ASTN1: variants seen among roughly 807,000 people sequenced by gnomAD.
ASTN1 encodes the protein astrotactin 1, also known as astrotactin-1.
In ASTN1, 41 loss-of-function variants were observed where a neutral mutation model predicts 140.7. The observed-to-expected ratio is 0.29, with a 90% CI of 0.23 to 0.38. The LOEUF is 0.38. ASTN1 is among the 10% of genes least tolerant of loss of function. The pLI is 1.00. For synonymous variants in ASTN1, 640 were observed against 652.2 expected (o/e 0.98, Z 0.29); for missense variants, 1,479 against 1,678.8 (o/e 0.88, Z 2.08).
At chr1:177,000,570 G>A (rs228013) in intron 8 of ASTN1, among the ~76,000 whole-genome samples, 90,640 of 152,028 alleles carry the variant, frequency 0.6, 27,842 homozygotes, top group African/African-American at 0.71. Context: ...GCTCACAGAC[G>A]TCTATCCCAC....
intron 16 of ASTN1, among the ~76,000 whole-genome samples, chr1:176,916,565 T>A (rs1377225241): frequency 6.6e-6 from 1 of 152,016 alleles, no homozygotes; most frequent in Non-Finnish European, 1.5e-5. Context: ...CTGCTATGGC[T>A]CAACACACCC....
intron 8 of ASTN1, among the ~76,000 whole-genome samples, chr1:176,988,358 T>C (rs1288744166): frequency 6.6e-6 from 1 of 151,184 alleles, no homozygotes; most frequent in Non-Finnish European, 1.5e-5. Flanking sequence ...TCCCCAAATG[T>C]TTGAACTTTG....
At chr1:177,054,989 T>A (rs1677728135) in intron 2 of ASTN1, among the ~76,000 whole-genome samples, 1 of 152,138 alleles carries the variant, frequency 6.6e-6, no homozygotes, top group African/African-American at 2.4e-5. Context: ...CTTTTTAAAA[T>A]CAGGAGAGTG....
At chr1:177,112,251 A>T (rs1429735984) in intron 1 of ASTN1, among the ~76,000 whole-genome samples, 1 of 152,196 alleles carries the variant, frequency 6.6e-6, no homozygotes, top group African/African-American at 2.4e-5. Flanking sequence ...CAGGAAAAAA[A>T]ATACTTATTA....
chr1:177,143,157 G>A lies in ASTN1; in HGVS notation c.283+21237C>T, dbSNP rs549755075. Among the ~76,000 whole-genome samples, 14 of 152,308 alleles carry A rather than the reference G, an allele frequency of 9.2e-5. No homozygotes were observed. In the South Asian group the frequency reaches 1.5e-3, roughly 16 times the overall value. On this transcript the variant is annotated intron_variant, in intron 1 of 22. Coordinates refer to ENST00000361833, the MANE Select transcript of ASTN1 (RefSeq NM_004319.3). ...GGACATAAAACTGCCAGGCGACAGC[G>A]TGATTTACATGGTGACTTCAAGATG...
At chr1:177,069,081 A>C (rs1678505609) in intron 1 of ASTN1, among the ~76,000 whole-genome samples, 1 of 152,100 alleles carries the variant, frequency 6.6e-6, no homozygotes, top group South Asian at 2.1e-4. Context: ...CAGCCTCTCA[A>C]AGTGCTAGAA....
intron 8 of ASTN1, among the ~76,000 whole-genome samples, chr1:176,972,192 T>C (rs1489798998): frequency 1.3e-5 from 2 of 152,230 alleles, no homozygotes; most frequent in Admixed American, 6.5e-5. Flanking sequence ...GTACATGTGG[T>C]CCATTGTTGA....
intron 15 of ASTN1, among the ~76,000 whole-genome samples, chr1:176,935,471 G>T (rs529738975): frequency 6.6e-6 from 1 of 152,288 alleles, no homozygotes; most frequent in Admixed American, 6.5e-5. Flanking sequence ...TTCTTGCCAA[G>T]AACTCTTTTG....
intron 9 of ASTN1, among the ~76,000 whole-genome samples, chr1:176,961,332 C>T (rs1354140001): frequency 1.3e-5 from 2 of 152,168 alleles, no homozygotes; most frequent in Non-Finnish European, 2.9e-5. Context: ...AGAGCAGCTC[C>T]TGAGACACTG....
chr1:177,103,522 C>A (rs1680398978), intron 1 of ASTN1, among the ~76,000 whole-genome samples: 1 of 152,068 alleles, frequency 6.6e-6, no homozygotes, highest in Non-Finnish European at 1.5e-5. Flanking sequence ...CTGGATTTTA[C>A]ATGGGAACAG....
At chr1:177,142,876 G>A (rs908590599) in intron 1 of ASTN1, among the ~76,000 whole-genome samples, 3 of 147,304 alleles carry the variant, frequency 2.0e-5, no homozygotes, top group East Asian at 2.1e-4. Flanking sequence ...TTGAGCCAGA[G>A]GAAAGGAGCA....
chr1:176,915,642 T>A (rs1670447607), intron 16 of ASTN1, among the ~76,000 whole-genome samples: 1 of 152,134 alleles, frequency 6.6e-6, no homozygotes, highest in Admixed American at 6.5e-5. Context: ...GATTTTAGAT[T>A]ACTCCTCTCC....
At chr1:176,965,063 T>C in intron 9 of ASTN1, 100 bp downstream of exon 9, 1 of 1,145,148 alleles carries the variant, frequency 8.7e-7, no homozygotes, top group Non-Finnish European at 1.3e-6. Flanking sequence ...ACTCAAGGTG[T>C]TTCCTATTTT....
chr1:176,925,899 G>A lies in ASTN1; in HGVS notation c.2671+8253C>T, dbSNP rs1466291749. Among the ~76,000 whole-genome samples, 14 of 150,542 alleles carry A rather than the reference G, an allele frequency of 9.3e-5. No individual in the cohort carries two copies. The South Asian group carries it at 1.7e-3, about 18-fold the overall frequency. ...CGGCTCACTGTAAGCTCTGCCTCCCGGGTTCATGCCATTCTCTTGCCTCAG... is the reference window on the plus strand; with the variant it reads ...CGGCTCACTGTAAGCTCTGCCTCCCAGGTTCATGCCATTCTCTTGCCTCAG... On this transcript the variant is annotated intron_variant, in intron 16 of 22. Transcript: ENST00000361833.
At chr1:176,935,791 A>G (rs2103094371) in intron 15 of ASTN1, among the ~76,000 whole-genome samples, 1 of 146,930 alleles carries the variant, frequency 6.8e-6, no homozygotes, top group African/African-American at 2.5e-5. Context: ...CTTTCTCTCA[A>G]TCTCTCAGTC....
At chr1:176,972,771 AT>A (rs1673194011) in intron 8 of ASTN1, among the ~76,000 whole-genome samples, 1 of 152,306 alleles carries the variant, frequency 6.6e-6, no homozygotes, top group South Asian at 2.1e-4. Flanking sequence ...CTTATTTATA[AT>A]TTTTTATACA....
At position 177,024,717 on chromosome 1, in the gene ASTN1, C is replaced by T; in HGVS notation, c.1136G>A (p.Ser379Asn). ...RRRSRVGSPR[S>N]PVNKTTLTLI... The stretch of plus-strand genomic sequence containing the variant: ...GGTCAAGGTGGTCTTATTCACAGGA[C>T]TTCGGGGAGAACCCACTGAAAGTGA... The change falls in exon 6 of 23, where the codon AGT becomes AAT. Residue 379 changes from serine (S) to asparagine (N), a missense_variant. Transcript: ENST00000361833. The T allele has an allele frequency of 6.2e-7, 1 of 1,613,860 alleles. No homozygotes were observed. Among genetic ancestry groups the T allele is most frequent in the Non-Finnish European group, 8.5e-7 (1 of 1,179,794 alleles).
Position 176,864,505 on chromosome 1 carries a change from G to A in ASTN1, c.3664C>T (p.Leu1222Phe). The A allele has an allele frequency of 1.2e-6, 2 of 1,614,030 alleles. No homozygotes were observed. The highest frequency in any genetic ancestry group is 1.7e-6 in the Non-Finnish European group (2 of 1,179,914). ...ELGPRKAGLI[L>F]SQLGDLSSWC... ...CTGCTGAGGTCCCCAAGCTGGGAAA[G>A]GATGAGACCAGCTTTCCTATGGATC... Residue 1222 changes from leucine (L) to phenylalanine (F), a missense_variant, in exon 23 of 23, where the codon CTT becomes TTT. Transcript: ENST00000361833.
intron 11 of ASTN1, among the ~76,000 whole-genome samples, chr1:176,950,801 A>G (rs1162527545): frequency 6.6e-6 from 1 of 152,106 alleles, no homozygotes; most frequent in Non-Finnish European, 1.5e-5. Flanking sequence ...CATATCGCCA[A>G]CAAGTTAACA....
Sources: gnomAD v4.1 joint callset for allele counts (sites outside exome capture counted in the v4.1 genomes callset) on GRCh38, gnomAD v4.1.1 for gene constraint, MANE v1.5 for transcripts, NCBI Gene and HGNC (gene_info 2026-07-23, HGNC 2026-07-21) for gene names.